AGBL1: variants seen among roughly 807,000 people sequenced by gnomAD.
AGBL1 encodes the protein AGBL carboxypeptidase 1.
In AGBL1, 130 loss-of-function variants were observed where a neutral mutation model predicts 118.9. That is an observed-to-expected ratio of 1.09 (90% confidence interval 0.95 to 1.26). The LOEUF is 1.26. Ranked by LOEUF, AGBL1 falls within the 50% of genes most tolerant of loss-of-function variation. The pLI is 0.00. For synonymous variants in AGBL1, 555 were observed against 478.9 expected, an observed-to-expected ratio of 1.16 and a Z score of -2.08; for missense variants, 1,584 against 1,298.1, an observed-to-expected ratio of 1.22 and a Z score of -3.38.
chr15:86,566,988 T>A (rs2142301218), intron 21 of AGBL1, among the ~76,000 whole-genome samples: 1 of 152,312 alleles, frequency 6.6e-6, no homozygotes, highest in Non-Finnish European at 1.5e-5. Flanking sequence ...GGAGATGCTA[T>A]AAAGACTGAA....
At chr15:86,315,164 AC>A in intron 17 of AGBL1, among the ~76,000 whole-genome samples, 1 of 152,312 alleles carries the variant, frequency 6.6e-6, no homozygotes, top group Middle Eastern at 3.4e-3. Context: ...CCATTTTAAT[AC>A]CCAGGGTAAC....
chr15:86,311,513 T>G (rs2079920964), intron 17 of AGBL1, among the ~76,000 whole-genome samples: 3 of 152,240 alleles, frequency 2.0e-5, no homozygotes. Context: ...TTTTTTTTCC[T>G]TAGCAGATAG....
At chr15:86,401,045 T>C (rs776529660) in intron 18 of AGBL1, among the ~76,000 whole-genome samples, 4 of 152,158 alleles carry the variant, frequency 2.6e-5, no homozygotes, top group Non-Finnish European at 5.9e-5. Context: ...ATACTGTTCT[T>C]CATAGTGATT....
chr15:86,289,136 A>C (rs549290582), intron 16 of AGBL1, among the ~76,000 whole-genome samples: 1 of 152,136 alleles, frequency 6.6e-6, no homozygotes, highest in Non-Finnish European at 1.5e-5. Context: ...CTCTCCTTTA[A>C]AAGTGCCTCT....
intron 23 of AGBL1, among the ~76,000 whole-genome samples, chr15:86,987,108 T>A (rs2081292405): frequency 6.6e-6 from 1 of 152,076 alleles, no homozygotes; most frequent in East Asian, 1.9e-4. Context: ...CATTTTCACT[T>A]CTTTTGTGGT....
At chr15:86,349,886 C>G (rs966209891) in intron 17 of AGBL1, among the ~76,000 whole-genome samples, 2 of 152,224 alleles carry the variant, frequency 1.3e-5, no homozygotes, top group Admixed American at 1.3e-4. Flanking sequence ...CTCACATGTT[C>G]TCTCTGAACT....
chr15:86,734,957 C>T (rs1391662813), intron 22 of AGBL1, among the ~76,000 whole-genome samples: 1 of 152,042 alleles, frequency 6.6e-6, no homozygotes, highest in African/African-American at 2.4e-5. Flanking sequence ...TATACATGCC[C>T]CAGATTCAGG....
chr15:86,688,456 G>C (rs2086103214), intron 22 of AGBL1, among the ~76,000 whole-genome samples: 1 of 152,046 alleles, frequency 6.6e-6, no homozygotes, highest in East Asian at 1.9e-4. Context: ...CTTTTCCAAG[G>C]TATTTGAGGA....
At chr15:86,665,763 A>C (rs957162991) in intron 21 of AGBL1, among the ~76,000 whole-genome samples, 2 of 150,684 alleles carry the variant, frequency 1.3e-5, no homozygotes, top group African/African-American at 4.9e-5. Flanking sequence ...TAATCAAAAT[A>C]AATTTTTTTT....
intron 21 of AGBL1, among the ~76,000 whole-genome samples, chr15:86,583,416 T>A (rs1004711954): frequency 3.3e-5 from 5 of 152,154 alleles, no homozygotes; most frequent in South Asian, 2.1e-4. Context: ...TTCCCACTTA[T>A]AAGTGAGAAC....
chr15:86,490,666 A>G (rs897921582), intron 18 of AGBL1, among the ~76,000 whole-genome samples: 18 of 152,110 alleles, frequency 1.2e-4, no homozygotes, highest in Admixed American at 1.2e-3. Flanking sequence ...TGCTGTTTTT[A>G]TCACTGAGCT....
intron 22 of AGBL1, among the ~76,000 whole-genome samples, chr15:86,896,400 A>T (rs900791361): frequency 1.8e-4 from 21 of 115,768 alleles, no homozygotes; most frequent in African/African-American, 6.4e-4. Flanking sequence ...CTGGGTTTAA[A>T]AAAAAAAAAA....
chr15:86,650,063 G>C (rs963812047), intron 21 of AGBL1, among the ~76,000 whole-genome samples: 2 of 152,148 alleles, frequency 1.3e-5, no homozygotes, highest in Non-Finnish European at 2.9e-5. Context: ...TGTAAAAATA[G>C]TCTAGTTTCT....
At chr15:86,102,786 A>G (rs572945340) in intron 1 of AGBL1, among the ~76,000 whole-genome samples, 10 of 152,132 alleles carry the variant, frequency 6.6e-5, no homozygotes, top group African/African-American at 1.2e-4. Flanking sequence ...AATTGTATCT[A>G]TTTGGGGATC....
intron 22 of AGBL1, among the ~76,000 whole-genome samples, chr15:86,784,901 A>G (rs1016159321): frequency 6.6e-5 from 10 of 152,208 alleles, no homozygotes; most frequent in African/African-American, 2.4e-4. Flanking sequence ...CAACTTTTCT[A>G]TAAATCAAGT....
chr15:86,983,643 G>C (rs1596706195), intron 23 of AGBL1, among the ~76,000 whole-genome samples: 1 of 152,134 alleles, frequency 6.6e-6, no homozygotes, highest in East Asian at 1.9e-4. Context: ...TCAAGATAGA[G>C]AACACAGACT....
chr15:86,753,846 T>A (rs1453489946), intron 22 of AGBL1, among the ~76,000 whole-genome samples: 2 of 152,156 alleles, frequency 1.3e-5, no homozygotes, highest in Non-Finnish European at 2.9e-5. Flanking sequence ...TCTCCCTTGC[T>A]TAGATGCAGG....
At chr15:86,844,403 C>G (rs1345186982) in intron 22 of AGBL1, among the ~76,000 whole-genome samples, 2 of 152,104 alleles carry the variant, frequency 1.3e-5, no homozygotes, top group Non-Finnish European at 2.9e-5. Flanking sequence ...TATAGCTATT[C>G]TAGTGAGTTG....
intron 21 of AGBL1, among the ~76,000 whole-genome samples, chr15:86,627,581 A>G (rs923103876): frequency 1.3e-5 from 2 of 152,246 alleles, no homozygotes; most frequent in African/African-American, 2.4e-5. Flanking sequence ...AAATATCATA[A>G]TGAGTGGCAA....
Sources: allele counts gnomAD v4.1 joint callset (sites outside exome capture counted in the v4.1 genomes callset), GRCh38; gene constraint gnomAD v4.1.1; transcripts MANE v1.5; gene names NCBI Gene and HGNC (gene_info 2026-07-23, HGNC 2026-07-21).